MBD5: variants seen among roughly 807,000 people sequenced by gnomAD.
MBD5 encodes the protein methyl-CpG binding domain protein 5.
A neutral mutation model predicts 117.3 loss-of-function variants in MBD5; 13 were observed. The ratio of observed to expected loss-of-function variants is 0.11; its 90% CI spans 0.07 to 0.18. The LOEUF is 0.18. MBD5 is among the 10% of genes least tolerant of loss of function. The probability of loss-of-function intolerance (pLI) is 1.00; values close to 1 mark genes in which losing one functional copy is unlikely to be tolerated. For synonymous variants in MBD5, 727 were observed against 766.4 expected (o/e 0.95, Z 0.85); for missense variants, 1,879 against 2,093.8 (o/e 0.90, Z 2.00).
intron 1 of MBD5, among the ~76,000 whole-genome samples, chr2:148,069,414 A>G (rs951317757): frequency 2.6e-5 from 4 of 151,768 alleles, no homozygotes; most frequent in African/African-American, 7.3e-5. Context: ...TCAATCCACT[A>G]TTGTTGGCAT....
intron 1 of MBD5, among the ~76,000 whole-genome samples, chr2:148,048,720 AAG>A (rs1355628807): frequency 6.6e-6 from 1 of 152,158 alleles, no homozygotes; most frequent in African/African-American, 2.4e-5. Context: ...AAACCACTAA[AAG>A]AGAAAAGAAT....
At position 148,141,897 on chromosome 2, in the gene MBD5, G is replaced by T. The variant is rs935707537; in HGVS notation, c.-924-36803G>T. 5.3e-5 allele frequency among the ~76,000 whole-genome samples: 8 copies of T among 152,136 alleles called. No individual in the cohort carries two copies. In the South Asian group the frequency reaches 1.5e-3, roughly 28 times the overall value. On this transcript the variant is annotated intron_variant, in intron 1 of 13. Coordinates refer to ENST00000642680, the MANE Select transcript of MBD5 (RefSeq NM_001378120.1). ...AGGCTGAGGCAGGAGGATCTCTTGA[G>T]CCTAGGAATTCAAGGCTGCCATGAC...
intron 1 of MBD5, among the ~76,000 whole-genome samples, chr2:148,105,883 T>C (rs958864226): frequency 5.3e-5 from 8 of 152,262 alleles, no homozygotes; most frequent in African/African-American, 1.7e-4. Context: ...GATTTTTGTT[T>C]TCATTTTGAG....
At chr2:148,160,490 G>C (rs1289429184) in intron 1 of MBD5, among the ~76,000 whole-genome samples, 1 of 152,122 alleles carries the variant, frequency 6.6e-6, no homozygotes, top group East Asian at 1.9e-4. Flanking sequence ...TAAACAATGA[G>C]TAGTGTGGCC....
intron 1 of MBD5, among the ~76,000 whole-genome samples, chr2:148,067,324 T>C (rs1053095758): frequency 2.0e-5 from 3 of 152,218 alleles, no homozygotes; most frequent in African/African-American, 7.2e-5. Flanking sequence ...CAATTGTTAG[T>C]GACAATAATA....
chr2:148,226,281 G>A (rs887364697), intron 2 of MBD5, among the ~76,000 whole-genome samples: 2 of 151,796 alleles, frequency 1.3e-5, no homozygotes, highest in African/African-American at 4.8e-5. Flanking sequence ...ACCCACAACA[G>A]TCCCCGGTGT....
intron 12 of MBD5, among the ~76,000 whole-genome samples, chr2:148,508,303 C>A (rs1409922558): frequency 6.6e-6 from 1 of 151,684 alleles, no homozygotes; most frequent in East Asian, 1.9e-4. Flanking sequence ...TCTTATATAC[C>A]AGTTAGAAGG....
chr2:148,023,517 T>G (rs1693822416), intron 1 of MBD5, among the ~76,000 whole-genome samples: 2 of 152,192 alleles, frequency 1.3e-5, no homozygotes, highest in South Asian at 4.1e-4. Flanking sequence ...ATTAGTGCAC[T>G]TAAGCAGAAA....
chr2:148,277,616 T>G (rs1437785761), intron 3 of MBD5, among the ~76,000 whole-genome samples: 2 of 152,098 alleles, frequency 1.3e-5, no homozygotes, highest in African/African-American at 2.4e-5. Flanking sequence ...AGCAATGTAG[T>G]TTTTTGTGTC....
intron 1 of MBD5, among the ~76,000 whole-genome samples, chr2:148,073,684 T>A (rs1463813245): frequency 6.6e-6 from 1 of 152,208 alleles, no homozygotes; most frequent in Non-Finnish European, 1.5e-5. Context: ...TCTCATTGTA[T>A]CTACACAACA....
At chr2:148,063,360 G>C (rs1695092086) in intron 1 of MBD5, among the ~76,000 whole-genome samples, 1 of 152,006 alleles carries the variant, frequency 6.6e-6, no homozygotes, top group Non-Finnish European at 1.5e-5. Flanking sequence ...TAAATGGCAG[G>C]GATAGAAGTT....
intron 3 of MBD5, among the ~76,000 whole-genome samples, chr2:148,259,406 C>A (rs1033535039): frequency 1.8e-4 from 28 of 152,192 alleles, no homozygotes; most frequent in African/African-American, 6.8e-4. Flanking sequence ...TCTACCTCTG[C>A]CCATGTTTCC....
At chr2:148,348,506 A>G (rs1240417215) in intron 4 of MBD5, among the ~76,000 whole-genome samples, 1 of 152,060 alleles carries the variant, frequency 6.6e-6, no homozygotes, top group Non-Finnish European at 1.5e-5. Flanking sequence ...TGGCCATTCA[A>G]TGAAGTCACA....
At chr2:148,065,395 G>C (rs940581791) in intron 1 of MBD5, among the ~76,000 whole-genome samples, 5 of 152,072 alleles carry the variant, frequency 3.3e-5, no homozygotes, top group African/African-American at 1.2e-4. Context: ...TGAACCATAG[G>C]TTCAGTTAAG....
chr2:148,153,074 G>C (rs529213098), intron 1 of MBD5, among the ~76,000 whole-genome samples: 4 of 151,838 alleles, frequency 2.6e-5, no homozygotes, highest in African/African-American at 4.8e-5. Flanking sequence ...GCAGCGGCTG[G>C]TACCGATTAT....
chr2:148,284,557 G>A (rs1208067302), intron 3 of MBD5, among the ~76,000 whole-genome samples: 1 of 152,058 alleles, frequency 6.6e-6, no homozygotes, highest in Non-Finnish European at 1.5e-5. Context: ...TGGAGCCTTG[G>A]TATCACCCTC....
chr2:148,040,907 A>G lies in MBD5; in HGVS notation c.-925+19223A>G, dbSNP rs74712854. ...CCTCACGTGATGGCTTTACAAAATA[A>G]GCCACAAAAGCACTGGTAGATGTTA... On this transcript the variant is annotated intron_variant, in intron 1 of 13. Transcript: ENST00000642680. Among the ~76,000 whole-genome samples, 1,074 of 152,230 alleles carry G rather than the reference A, an allele frequency of 7.1e-3. 10 individuals are homozygous for G. The highest frequency in any genetic ancestry group is 0.024 in the African/African-American group (1,009 of 41,526).
intron 4 of MBD5, among the ~76,000 whole-genome samples, chr2:148,369,630 A>C (rs1258383903): frequency 6.6e-6 from 1 of 152,120 alleles, no homozygotes; most frequent in East Asian, 1.9e-4. Flanking sequence ...TGTGTGTTTG[A>C]ATATATACTG....
chr2:148,187,846 G>T (rs1280075169), intron 2 of MBD5, among the ~76,000 whole-genome samples: 1 of 152,106 alleles, frequency 6.6e-6, no homozygotes, highest in Admixed American at 6.5e-5. Context: ...GAAGAATGAA[G>T]AGCCCCAGAA....
Sources: gnomAD v4.1 joint callset for allele counts (sites outside exome capture counted in the v4.1 genomes callset) on GRCh38, gnomAD v4.1.1 for gene constraint, MANE v1.5 for transcripts, NCBI Gene and HGNC (gene_info 2026-07-23, HGNC 2026-07-21) for gene names.